The following ERVMER34-1 variants were observed in gnomAD, a reference collection of about 807,000 sequenced individuals.
The protein encoded by ERVMER34-1 is endogenous retroviral envelope protein HEMO.
For synonymous variants in ERVMER34-1, 199 were observed against 111.7 expected (o/e 1.78, Z -4.93); for missense variants, 471 against 295.1 (o/e 1.60, Z -4.37).
chr4:52,750,662 A>C (rs1053738145), intron 2 of ERVMER34-1: 7 of 152,296 alleles, frequency 4.6e-5, no homozygotes, highest in Admixed American at 1.3e-4. Flanking sequence ...GTGCTCACAA[A>C]GGGGAGACAT....
chr4:52,743,929 T>C lies in ERVMER34-1; in HGVS notation c.1592A>G (p.Gln531Arg). 7.7e-7 allele frequency: 1 copy of C among 1,291,268 alleles called. No homozygotes were observed. The highest frequency in any genetic ancestry group is 1.5e-5 in the African/African-American group (1 of 68,236). 80.0% of individuals were successfully genotyped at this position (1,291,268 alleles called of 1,614,324 possible). A position where few individuals can be genotyped will look rare whatever the true frequency, so the allele number is the denominator to read the frequency against. ...ACTGACAAGGAGCTGTGCTGATTGCTGTGGAGATAAGGCTAGGTTCAGAGG... is the reference window on the plus strand; with the variant it reads ...ACTGACAAGGAGCTGTGCTGATTGCCGTGGAGATAAGGCTAGGTTCAGAGG... ...SQPLNLALSPQQSAQLLVSET... is the reference protein window; with the variant it reads ...SQPLNLALSPRQSAQLLVSET... The change falls in exon 3 of 3, where the codon CAG becomes CGG. Residue 531 changes from glutamine (Q) to arginine (R), a missense_variant. Gln to Arg is a conservative substitution (Grantham distance 43). Coordinates refer to ENST00000443173, the MANE Select transcript of ERVMER34-1 (RefSeq NM_001242690.2).
In ERVMER34-1 at chr4:52,743,684, C is replaced by A. The variant is rs1344225514; in HGVS notation, c.*145G>T. 1.1e-5 allele frequency: 7 copies of A among 659,294 alleles called. No homozygotes were observed. Among genetic ancestry groups the A allele is most frequent in the Non-Finnish European group, 1.5e-5 (6 of 400,722 alleles). 40.8% of individuals were successfully genotyped at this position (659,294 alleles called of 1,614,324 possible). A position where few individuals can be genotyped will look rare whatever the true frequency, so the allele number is the denominator to read the frequency against. ...GTTCTGATAAGGCTTATTTACAATA[C>A]CTTGGGAGGTCCTAGTGCTAAGTGC... On this transcript the variant is annotated 3_prime_UTR_variant, in exon 3 of 3. Coordinates refer to ENST00000443173, the MANE Select transcript of ERVMER34-1 (RefSeq NM_001242690.2).
In ERVMER34-1 at chr4:52,743,882, T is replaced by C. The variant is rs1435088370; in HGVS notation, c.1639A>G (p.Asn547Asp). 4 of 1,524,570 alleles carry C rather than the reference T, an allele frequency of 2.6e-6. No individual in the cohort carries two copies. The South Asian group carries it at 4.8e-5, about 18-fold the overall frequency. The allele number at this position is 1,524,570 out of a possible 1,614,324, so 94.4% of individuals were successfully genotyped here. A position where few individuals can be genotyped will look rare whatever the true frequency, so the allele number is the denominator to read the frequency against. Residue 547 changes from asparagine (N) to aspartate (D), a missense_variant, in exon 3 of 3, where the codon AAT becomes GAT. Transcript: ENST00000443173. ...LVSETSCQVS[N>D]RAMKGLTTHQ... is the part of the protein sequence containing the mutation. ...GTTGTTAGTCCCTTCATTGCCCTAT[T>C]TGAAACTTGACATGAAGTTTCACTG...
chr4:52,750,470 T>C (rs1475282221), intron 2 of ERVMER34-1, among the ~76,000 whole-genome samples: 3 of 152,202 alleles, frequency 2.0e-5, no homozygotes, highest in African/African-American at 7.2e-5. Flanking sequence ...AGCTGCTAAA[T>C]GGGCAGGCAA....
Position 52,744,125 on chromosome 4 carries a change from C to T in ERVMER34-1, c.1396G>A (p.Glu466Lys), listed in dbSNP as rs371963742. Residue 466 changes from glutamate to lysine, a missense_variant, in exon 3 of 3, where the codon GAG (glutamate) becomes AAG (lysine). Physicochemically the swap from Glu to Lys is moderately conservative, Grantham distance 56 (BLOSUM62 1). Coordinates refer to ENST00000443173, the MANE Select transcript of ERVMER34-1 (RefSeq NM_001242690.2). ...AGTAACGGTACATTCTTCAGGTTCT[C>T]GGATGCTTCGTGGAGACGCTGTATA... ...SNIQRLHEASENLKNVPLLDW... is the reference protein window; with the variant it reads ...SNIQRLHEASKNLKNVPLLDW... 1.2e-4 allele frequency: 81 copies of T among 703,986 alleles called. No individual in the cohort carries two copies. The highest frequency in any genetic ancestry group is 2.4e-4 in the African/African-American group (14 of 57,260). 43.6% of individuals were successfully genotyped at this position (703,986 alleles called of 1,614,324 possible).
chr4:52,749,465 C>A (rs1176041928), intron 2 of ERVMER34-1, among the ~76,000 whole-genome samples: 1 of 151,796 alleles, frequency 6.6e-6, no homozygotes, highest in Non-Finnish European at 1.5e-5. Context: ...GAGTTGGCTT[C>A]TAAACCACAA....
rs1369719322 is a variant in ERVMER34-1 at position 52,743,866 on chromosome 4, C to T, written c.1655G>A (p.Gly552Glu). 1 of 1,520,414 alleles carries T rather than the reference C, an allele frequency of 6.6e-7. No homozygotes were observed. The highest frequency in any genetic ancestry group is 2.5e-5 in the East Asian group (1 of 40,734). The allele number at this position is 1,520,414 out of a possible 1,614,324, so 94.2% of individuals were successfully genotyped here. A position where few individuals can be genotyped will look rare whatever the true frequency, so the allele number is the denominator to read the frequency against. The change falls in exon 3 of 3, where the codon GGA becomes GAA. Residue 552 changes from glycine (G) to glutamate (E), a missense_variant. Transcript: ENST00000443173. The part of the protein sequence containing the change: ...SCQVSNRAMK[G>E]LTTHQYDTSL... ...TGTGTCATATTGATGGGTTGTTAGT[C>T]CCTTCATTGCCCTATTTGAAACTTG...
chr4:52,750,300 C>T (rs1168128123), intron 2 of ERVMER34-1, among the ~76,000 whole-genome samples: 1 of 152,114 alleles, frequency 6.6e-6, no homozygotes, highest in Non-Finnish European at 1.5e-5. Flanking sequence ...CGCCCTACCC[C>T]CCCATAGATT....
At position 52,745,811 on chromosome 4, in the gene ERVMER34-1, G is replaced by A. The variant is rs1716143048; in HGVS notation, c.-291C>T. On this transcript the variant is annotated 5_prime_UTR_variant, in exon 3 of 3. Transcript: ENST00000443173. ...TAATGATCTCAATCTAGCTTCCTGT[G>A]GCTTGTACAAATTCAGGAATTTTAT... The A allele has an allele frequency of 5.4e-6, 2 of 369,084 alleles. No individual in the cohort carries two copies. The highest frequency in any genetic ancestry group is 1.0e-4 in the South Asian group (2 of 20,082). 22.9% of individuals were successfully genotyped at this position (369,084 alleles called of 1,614,324 possible). A position where few individuals can be genotyped will look rare whatever the true frequency, so the allele number is the denominator to read the frequency against.
At position 52,743,809 on chromosome 4, in the gene ERVMER34-1, T is replaced by C. The variant is rs997357593; in HGVS notation, c.*20A>G. 38 of 1,456,988 alleles carry C rather than the reference T, an allele frequency of 2.6e-5. No individual in the cohort carries two copies. Among genetic ancestry groups the C allele is most frequent in the Non-Finnish European group, 3.3e-5 (37 of 1,111,058 alleles). The allele number at this position is 1,456,988 out of a possible 1,614,324, so 90.3% of individuals were successfully genotyped here. A position where few individuals can be genotyped will look rare whatever the true frequency, so the allele number is the denominator to read the frequency against. Reference sequence around the variant, plus strand: ...TTAGCTAAGGCTTTTTGTCTGCAGCTGCTGTTTGTTCAGATATTCTCAAAG... The same window carrying C: ...TTAGCTAAGGCTTTTTGTCTGCAGCCGCTGTTTGTTCAGATATTCTCAAAG... On this transcript the variant is annotated 3_prime_UTR_variant, in exon 3 of 3. Transcript: ENST00000443173.
At chr4:52,746,956 C>T (rs1025009778) in intron 2 of ERVMER34-1, among the ~76,000 whole-genome samples, 9 of 152,034 alleles carry the variant, frequency 5.9e-5, no homozygotes, top group African/African-American at 9.7e-5. Flanking sequence ...GGGCCGGGCA[C>T]GGTGGGACAC....
intron 2 of ERVMER34-1, among the ~76,000 whole-genome samples, chr4:52,747,238 A>T (rs1197992310): frequency 6.6e-6 from 1 of 151,938 alleles, no homozygotes; most frequent in East Asian, 1.9e-4. Context: ...AAAAAACAAA[A>T]CCAAAAACAA....
At position 52,745,043 on chromosome 4, in the gene ERVMER34-1, G is replaced by C. The variant is rs978829352; in HGVS notation, c.478C>G (p.Pro160Ala). Residue 160 changes from proline to alanine, a missense_variant, in exon 3 of 3, where the codon CCC (proline) becomes GCC (alanine). By Grantham distance (27) the Pro-to-Ala change is conservative. Coordinates refer to ENST00000443173, the MANE Select transcript of ERVMER34-1 (RefSeq NM_001242690.2). ...GATTCATTTGTAACATCTATAGAGG[G>C]CATGAAGGTGCCATCTGTAGAATCA... is the stretch of plus-strand genomic sequence containing the variant. ...WFDSTDGTFM[P>A]SIDVTNESRN... The C allele has an allele frequency of 1.4e-6, 1 of 703,994 alleles. No homozygotes were observed. The highest frequency in any genetic ancestry group is 1.7e-5 in the African/African-American group (1 of 57,248). 43.6% of individuals were successfully genotyped at this position (703,994 alleles called of 1,614,324 possible). A position where few individuals can be genotyped will look rare whatever the true frequency, so the allele number is the denominator to read the frequency against.
chr4:52,745,709 G>A lies in ERVMER34-1; in HGVS notation c.-189C>T. The A allele has an allele frequency of 1.7e-6, 1 of 585,022 alleles. No homozygotes were observed. The highest frequency in any genetic ancestry group is 2.1e-5 in the South Asian group (1 of 46,880). The allele number at this position is 585,022 out of a possible 1,614,324, so 36.2% of individuals were successfully genotyped here. ...CTGAGTAAAGCTGTCTACTTCATCT[G>A]CTCATGGAGCCTGTGAGTAGGTGCC... On this transcript the variant is annotated 5_prime_UTR_variant, in exon 3 of 3. Transcript: ENST00000443173.
In ERVMER34-1 at chr4:52,744,198, G is replaced by A; in HGVS notation, c.1323C>T (p.Gly441=). The A allele has an allele frequency of 1.4e-6, 1 of 704,068 alleles. No homozygotes were observed. The highest frequency in any genetic ancestry group is 1.5e-5 in the South Asian group (1 of 67,594). The allele number at this position is 704,068 out of a possible 1,614,324, so 43.6% of individuals were successfully genotyped here. Residue 441 remains glycine (G), a synonymous_variant, in exon 3 of 3, where the codon GGC becomes GGT. Coordinates refer to ENST00000443173, the MANE Select transcript of ERVMER34-1 (RefSeq NM_001242690.2). ...TQRQTACGTV[G]KQCCLYINYS... Reference sequence around the variant, plus strand: ...AATTTATATAGAGGCAACACTGTTTGCCAACAGTTCCACAAGCCGTTTGTC... The same window carrying A: ...AATTTATATAGAGGCAACACTGTTTACCAACAGTTCCACAAGCCGTTTGTC...
chr4:52,743,800 G>A lies in ERVMER34-1; in HGVS notation c.*29C>T. On this transcript the variant is annotated 3_prime_UTR_variant, in exon 3 of 3. Transcript: ENST00000443173. ...CATCAAAGTTTAGCTAAGGCTTTTT[G>A]TCTGCAGCTGCTGTTTGTTCAGATA... The A allele has an allele frequency of 6.9e-7, 1 of 1,451,140 alleles. No individual in the cohort carries two copies. The highest frequency in any genetic ancestry group is 9.0e-7 in the Non-Finnish European group (1 of 1,108,130). The allele number at this position is 1,451,140 out of a possible 1,614,324, so 89.9% of individuals were successfully genotyped here.
At position 52,744,140 on chromosome 4, in the gene ERVMER34-1, G is replaced by A. The variant is rs1716082392; in HGVS notation, c.1381C>T (p.Leu461Phe). 1.4e-6 allele frequency: 1 copy of A among 704,104 alleles called. No homozygotes were observed. The highest frequency in any genetic ancestry group is 2.6e-6 in the Non-Finnish European group (1 of 385,016). 43.6% of individuals were successfully genotyped at this position (704,104 alleles called of 1,614,324 possible). A position where few individuals can be genotyped will look rare whatever the true frequency, so the allele number is the denominator to read the frequency against. ...TTCAGGTTCTCGGATGCTTCGTGGA[G>A]ACGCTGTATATTAGACTTTATTTCT... is the stretch of plus-strand genomic sequence containing the variant. The part of the protein sequence containing the change: ...SEEIKSNIQR[L>F]HEASENLKNV... Residue 461 changes from leucine (L) to phenylalanine (F), a missense_variant, in exon 3 of 3, where the codon CTC (leucine) becomes TTC (phenylalanine). Coordinates refer to ENST00000443173, the MANE Select transcript of ERVMER34-1 (RefSeq NM_001242690.2).
rs1203455224 is a variant in ERVMER34-1, at chr4:52,745,174, A to T, written c.347T>A (p.Val116Glu). The change falls in exon 3 of 3, where the codon GTA becomes GAA. Residue 116 changes from valine to glutamate, a missense_variant. By Grantham distance (121) the Val-to-Glu change is moderately radical. Transcript: ENST00000443173. ...AGAAAAATTTCCCTCCAATAACCTTACTTGAGCAAAGGATAGACCTTGAGC... is the reference window on the plus strand; with the variant it reads ...AGAAAAATTTCCCTCCAATAACCTTTCTTGAGCAAAGGATAGACCTTGAGC... ...MEAQGLSFAQ[V>E]RLLEGNFSLC... 2.1e-5 allele frequency: 15 copies of T among 703,988 alleles called. No homozygotes were observed. The highest frequency in any genetic ancestry group is 3.4e-5 in the Non-Finnish European group (13 of 384,998). The allele number at this position is 703,988 out of a possible 1,614,324, so 43.6% of individuals were successfully genotyped here.
Position 52,745,879 on chromosome 4 carries a change from C to A in ERVMER34-1, c.-359G>T, listed in dbSNP as rs951625196. On this transcript the variant is annotated 5_prime_UTR_variant, in exon 3 of 3. Transcript: ENST00000443173. ...TGGTTAGCAGTACTTCATAAGGTCT[C>A]TTCTTTTTCCAGGGAGGTTACAACA... 13 of 196,700 alleles carry A rather than the reference C, an allele frequency of 6.6e-5. No homozygotes were observed. The highest frequency in any genetic ancestry group is 2.8e-4 in the African/African-American group (12 of 42,798). The allele number at this position is 196,700 out of a possible 1,614,324, so 12.2% of individuals were successfully genotyped here.
Sources: allele counts gnomAD v4.1 joint callset (sites outside exome capture counted in the v4.1 genomes callset), GRCh38; gene constraint gnomAD v4.1.1; transcripts MANE v1.5; gene names NCBI Gene and HGNC (gene_info 2026-07-23, HGNC 2026-07-21).